PCDHA3: variants seen among roughly 807,000 people sequenced by gnomAD.
The protein encoded by PCDHA3 is protocadherin alpha-3.
In PCDHA3, 41 loss-of-function variants were observed where a neutral mutation model predicts 62.2. The observed-to-expected ratio is 0.66, with a 90% CI of 0.51 to 0.86. The LOEUF is 0.86. Among genes scored for constraint, PCDHA3 ranks in the 40% least tolerant of loss-of-function variants. The probability of loss-of-function intolerance (pLI) is 0.00; values close to 1 mark genes in which losing one functional copy is unlikely to be tolerated. For synonymous variants in PCDHA3, 640 were observed against 555.4 expected, an observed-to-expected ratio of 1.15 and a Z score of -2.14; for missense variants, 1,304 against 1,241.2, an observed-to-expected ratio of 1.05 and a Z score of -0.76.
At chr5:140,865,274 A>G (rs1465243720) in intron 1 of PCDHA3, 5 of 152,220 alleles carry the variant, frequency 3.3e-5, no homozygotes, top group African/African-American at 1.2e-4. Flanking sequence ...AATTATATGT[A>G]AAATTACTTT....
chr5:140,809,507 C>A, intron 1 of PCDHA3: 1 of 1,614,192 alleles, frequency 6.2e-7, no homozygotes, highest in Non-Finnish European at 8.5e-7. Context: ...GGCCTTCAGC[C>A]CCAGTTTACC....
intron 1 of PCDHA3, chr5:140,823,555 C>G: frequency 3.1e-6 from 5 of 1,613,846 alleles, no homozygotes; most frequent in South Asian, 1.1e-5. Context: ...GGCGAAGGTG[C>G]GCGCAGTGGA....
chr5:140,836,144 G>T (rs2150253955), intron 1 of PCDHA3: 2 of 1,613,780 alleles, frequency 1.2e-6, no homozygotes, highest in Non-Finnish European at 1.7e-6. Context: ...CTGTGGGCGC[G>T]GGCCATGTGG....
chr5:140,856,203 G>GGCTGGA (rs782244369), intron 1 of PCDHA3: 1 of 1,597,978 alleles, frequency 6.3e-7, no homozygotes, highest in African/African-American at 1.3e-5. Context: ...CAGGACCTGG[G>GGCTGGA]GCTGGAGCTG....
chr5:140,935,852 CTT>C (rs1267620281), intron 1 of PCDHA3, among the ~76,000 whole-genome samples: 2 of 149,326 alleles, frequency 1.3e-5, no homozygotes, highest in African/African-American at 4.9e-5. Context: ...TTAATGGTGT[CTT>C]TTGATTAGCA....
intron 1 of PCDHA3, chr5:140,841,234 C>A: frequency 6.8e-7 from 1 of 1,471,288 alleles, no homozygotes. Context: ...ACGGGAGATG[C>A]AGCGGAATTG....
intron 1 of PCDHA3, chr5:140,868,989 C>T (rs1280457697): frequency 1.3e-6 from 2 of 1,506,850 alleles, no homozygotes; most frequent in Non-Finnish European, 1.8e-6. Context: ...CGGATGCCAC[C>T]GTTTAAGGAT....
At chr5:140,835,891 C>G in intron 1 of PCDHA3, 1 of 1,611,968 alleles carries the variant, frequency 6.2e-7, no homozygotes, top group African/African-American at 1.3e-5. Flanking sequence ...GGCGAGCGCG[C>G]GCTGTCGAGC....
chr5:140,941,936 T>G (rs901567070), intron 1 of PCDHA3, among the ~76,000 whole-genome samples: 7 of 152,362 alleles, frequency 4.6e-5, no homozygotes, highest in Non-Finnish European at 7.3e-5. Flanking sequence ...ATATTTGAAT[T>G]ACTTTTGTTT....
At chr5:141,005,572 C>G (rs548748234) in intron 3 of PCDHA3, among the ~76,000 whole-genome samples, 59 of 150,976 alleles carry the variant, frequency 3.9e-4, no homozygotes, top group Non-Finnish European at 7.7e-4. Context: ...CATGGTGGCG[C>G]GTGCCTGTAG....
intron 1 of PCDHA3, chr5:140,835,083 GACA>G: frequency 1.1e-5 from 14 of 1,222,014 alleles, no homozygotes; most frequent in Non-Finnish European, 1.6e-5. Context: ...CACGGTACTG[GACA>G]ACAATGACAA....
chr5:140,939,175 C>A (rs2092330886), intron 1 of PCDHA3, among the ~76,000 whole-genome samples: 1 of 152,010 alleles, frequency 6.6e-6, no homozygotes, highest in African/African-American at 2.4e-5. Context: ...TGGTAATGGC[C>A]CACTCCCTGG....
In PCDHA3 at chr5:140,842,698, G is replaced by C. The variant is rs2150342332; in HGVS notation, c.2394+39107G>C. On this transcript the variant is annotated intron_variant, in intron 1 of 3. Transcript: ENST00000522353. ...ATGCTCCGGCGTTCGCGCAGCCCGA[G>C]TACACGGTGTTCGTGAAGGAGAACA... The C allele has an allele frequency of 9.4e-6, 15 of 1,595,366 alleles. 2 individuals carry two copies. The highest frequency in any genetic ancestry group is 4.3e-6 in the Non-Finnish European group (5 of 1,165,528).
In PCDHA3 at chr5:140,823,639, C is replaced by T. The variant is rs1207505503; in HGVS notation, c.2394+20048C>T. On this transcript the variant is annotated intron_variant, in intron 1 of 3. Coordinates refer to ENST00000522353, the MANE Select transcript of PCDHA3 (RefSeq NM_018906.3). Reference sequence around the variant, plus strand: ...GCCTGGCAGTGCGCGCATCCCGTTCCGCGTGGGGCTGTACACAGGCGAGAT... The same window carrying T: ...GCCTGGCAGTGCGCGCATCCCGTTCTGCGTGGGGCTGTACACAGGCGAGAT... 6 of 1,613,894 alleles carry T rather than the reference C, an allele frequency of 3.7e-6. No individual in the cohort carries two copies. In the Admixed American group the frequency reaches 8.3e-5, roughly 22 times the overall value.
intron 1 of PCDHA3, among the ~76,000 whole-genome samples, chr5:140,909,000 G>C (rs569548757): frequency 9.8e-5 from 15 of 152,296 alleles, no homozygotes; most frequent in Non-Finnish European, 1.8e-4. Flanking sequence ...AAATTTTACT[G>C]AGGTAGAAGG....
At chr5:140,828,467 A>G (rs2150155619) in intron 1 of PCDHA3, 1 of 1,614,224 alleles carries the variant, frequency 6.2e-7, no homozygotes, top group African/African-American at 1.3e-5. Flanking sequence ...GGTGAGGGAC[A>G]TTAACGACAA....
intron 1 of PCDHA3, among the ~76,000 whole-genome samples, chr5:140,915,626 G>GTCTCTCTCTCTCTCTC (rs57920489): frequency 1.4e-5 from 2 of 146,436 alleles, no homozygotes; most frequent in African/African-American, 2.5e-5. Context: ...GTCTCTTTCT[G>GTCTCTCTCTCTCTCTC]TCTCTCTCTC....
chr5:140,869,123 G>A, intron 1 of PCDHA3: 1 of 1,608,454 alleles, frequency 6.2e-7, no homozygotes, highest in South Asian at 1.1e-5. Flanking sequence ...TTTCAGAGAA[G>A]GGGATTGGGC....
chr5:140,925,076 A>G (rs1388489555), intron 1 of PCDHA3, among the ~76,000 whole-genome samples: 2 of 148,798 alleles, frequency 1.3e-5, no homozygotes, highest in Non-Finnish European at 3.0e-5. Context: ...CAACACGCTC[A>G]TCTGGAAAGG....
Sources: gnomAD v4.1 joint callset for allele counts (sites outside exome capture counted in the v4.1 genomes callset) on GRCh38, gnomAD v4.1.1 for gene constraint, MANE v1.5 for transcripts, NCBI Gene and HGNC (gene_info 2026-07-23, HGNC 2026-07-21) for gene names.